WWOX: variants seen among roughly 807,000 people sequenced by gnomAD.
The protein encoded by WWOX is WW domain-containing oxidoreductase.
A neutral mutation model predicts 46.2 loss-of-function variants in WWOX; 69 were observed. The observed-to-expected ratio is 1.49, with a 90% CI of 1.23 to 1.82. The LOEUF is 1.82. Among genes scored for constraint, WWOX ranks in the 40% most tolerant of loss-of-function variants. WWOX has a pLI of 0.00. For missense variants in WWOX, 919 were observed against 542.6 expected (o/e 1.69, Z -6.89); for synonymous variants, 359 against 202.6 (o/e 1.77, Z -6.56).
intron 8 of WWOX, among the ~76,000 whole-genome samples, chr16:78,533,585 G>C (rs1297794694): frequency 6.6e-6 from 1 of 152,130 alleles, no homozygotes; most frequent in Non-Finnish European, 1.5e-5. Flanking sequence ...GACTTCTAGT[G>C]GGAGAGATCA....
chr16:78,369,636 A>G (rs2081620382), intron 5 of WWOX, among the ~76,000 whole-genome samples: 1 of 151,940 alleles, frequency 6.6e-6, no homozygotes, highest in African/African-American at 2.4e-5. Flanking sequence ...TTTTCATTAC[A>G]TACTGTTATC....
chr16:78,164,107 T>C, intron 4 of WWOX, 76 bp from the exon 5 acceptor site: 1 of 1,343,766 alleles, frequency 7.4e-7, no homozygotes, highest in Non-Finnish European at 1.1e-6. Flanking sequence ...TAAGTGGTGC[T>C]CCGGTAAAGG....
At chr16:79,019,677 C>T (rs148680580) in intron 8 of WWOX, among the ~76,000 whole-genome samples, 4 of 151,986 alleles carry the variant, frequency 2.6e-5, no homozygotes, top group South Asian at 2.1e-4. Flanking sequence ...ACTCCAACCC[C>T]GGGCTCTCTA....
At chr16:78,176,003 A>T (rs1168986526) in intron 5 of WWOX, among the ~76,000 whole-genome samples, 2 of 152,106 alleles carry the variant, frequency 1.3e-5, no homozygotes, top group African/African-American at 4.8e-5. Flanking sequence ...CTTTTAAAAC[A>T]TACCTGATCA....
intron 8 of WWOX, among the ~76,000 whole-genome samples, chr16:78,887,766 G>C (rs73579393): frequency 6.6e-6 from 1 of 152,100 alleles, no homozygotes; most frequent in African/African-American, 2.4e-5. Flanking sequence ...TTTGCCTTTC[G>C]GGATGTTGAA....
At chr16:78,119,767 C>G (rs549767028) in intron 4 of WWOX, among the ~76,000 whole-genome samples, 3 of 152,118 alleles carry the variant, frequency 2.0e-5, no homozygotes, top group South Asian at 4.1e-4. Flanking sequence ...TGCCCAGATG[C>G]TATTAGCAAG....
chr16:78,833,011 C>T (rs1259467525), intron 8 of WWOX, among the ~76,000 whole-genome samples: 1 of 150,520 alleles, frequency 6.6e-6, no homozygotes, highest in African/African-American at 2.4e-5. Context: ...GCAAAGTGGC[C>T]AGGCTCAGCC....
chr16:78,966,533 C>G (rs1026573652), intron 8 of WWOX, among the ~76,000 whole-genome samples: 1 of 151,864 alleles, frequency 6.6e-6, no homozygotes, highest in African/African-American at 2.4e-5. Context: ...AACTCTTCCC[C>G]TAATAGTGAA....
At chr16:78,601,460 A>T (rs2151617493) in intron 8 of WWOX, among the ~76,000 whole-genome samples, 1 of 151,008 alleles carries the variant, frequency 6.6e-6, no homozygotes, top group East Asian at 1.9e-4. Context: ...AAAAGAAAGG[A>T]AAAAAACCAG....
intron 8 of WWOX, among the ~76,000 whole-genome samples, chr16:78,594,552 C>A (rs1037668977): frequency 6.6e-6 from 1 of 151,062 alleles, no homozygotes; most frequent in Non-Finnish European, 1.5e-5. Context: ...AATCACCTGG[C>A]TCAAACTCAT....
intron 8 of WWOX, among the ~76,000 whole-genome samples, chr16:78,454,670 G>A (rs1329031837): frequency 7.0e-6 from 1 of 142,474 alleles, no homozygotes; most frequent in Non-Finnish European, 1.5e-5. Flanking sequence ...CATACCTGGG[G>A]AATTTTTTTT....
chr16:78,943,435 C>T (rs1004435387), intron 8 of WWOX, among the ~76,000 whole-genome samples: 2 of 152,152 alleles, frequency 1.3e-5, no homozygotes, highest in African/African-American at 4.8e-5. Context: ...ACCTGGAGAA[C>T]TCCTAGAGGG....
At chr16:79,207,646 AGACAG>A (rs1448973769) in intron 8 of WWOX, among the ~76,000 whole-genome samples, 1 of 152,226 alleles carries the variant, frequency 6.6e-6, no homozygotes, top group Non-Finnish European at 1.5e-5. Flanking sequence ...GTCTACTTTA[AGACAG>A]GAATCTCCTC....
chr16:78,930,279 C>A (rs1220122872), intron 8 of WWOX, among the ~76,000 whole-genome samples: 1 of 107,254 alleles, frequency 9.3e-6, no homozygotes, highest in Non-Finnish European at 2.0e-5. Flanking sequence ...TTCTCTCTTT[C>A]TTTTTTTATT....
At chr16:78,831,324 C>A (rs1411971721) in intron 8 of WWOX, among the ~76,000 whole-genome samples, 2 of 152,178 alleles carry the variant, frequency 1.3e-5, no homozygotes, top group African/African-American at 2.4e-5. Flanking sequence ...CCTGAAGTAG[C>A]CCCTGACCAG....
intron 8 of WWOX, among the ~76,000 whole-genome samples, chr16:78,517,580 G>A (rs1035635223): frequency 6.6e-6 from 1 of 152,136 alleles, no homozygotes; most frequent in Non-Finnish European, 1.5e-5. Context: ...TCATATTGTG[G>A]TCCGGAGAGG....
At chr16:78,974,900 C>G (rs1351993914) in intron 8 of WWOX, among the ~76,000 whole-genome samples, 1 of 152,138 alleles carries the variant, frequency 6.6e-6, no homozygotes, top group Non-Finnish European at 1.5e-5. Context: ...TGCTCAGCTG[C>G]AAGTCAGGGT....
At chr16:78,134,849 A>G (rs866130541) in intron 4 of WWOX, among the ~76,000 whole-genome samples, 5 of 152,166 alleles carry the variant, frequency 3.3e-5, no homozygotes, top group South Asian at 2.1e-4. Context: ...GAGTGTGAGG[A>G]TATTGGTAAT....
chr16:78,126,937 A>T (rs540932448), intron 4 of WWOX, among the ~76,000 whole-genome samples: 2 of 152,286 alleles, frequency 1.3e-5, no homozygotes, highest in African/African-American at 4.8e-5. Context: ...TTTTCTATGC[A>T]TTCTCTCATT....
Sources: gnomAD v4.1 joint callset for allele counts (sites outside exome capture counted in the v4.1 genomes callset) on GRCh38, gnomAD v4.1.1 for gene constraint, MANE v1.5 for transcripts, NCBI Gene and HGNC (gene_info 2026-07-23, HGNC 2026-07-21) for gene names.